GPC5: variants seen among roughly 807,000 people sequenced by gnomAD.
GPC5 encodes the protein glypican-5.
Under a neutral mutation model 53.9 loss-of-function variants are expected in GPC5, and 47 were observed. That is an observed-to-expected ratio of 0.87 (90% CI 0.69 to 1.11). GPC5 has a LOEUF of 1.11. GPC5 is among the 50% of genes most tolerant of loss of function. GPC5 has a pLI of 0.00. For missense variants in GPC5, 748 were observed against 713.1 expected, an observed-to-expected ratio of 1.05 and a Z score of -0.56; for synonymous variants, 286 against 263.3, an observed-to-expected ratio of 1.09 and a Z score of -0.84.
chr13:92,507,208 C>T (rs76293018), intron 7 of GPC5, among the ~76,000 whole-genome samples: 1,547 of 152,298 alleles, frequency 0.01, 26 homozygotes, highest in African/African-American at 0.035. Context: ...ACTCAACCAT[C>T]CCATCCACCG....
chr13:91,616,078 G>T (rs1328551612), intron 2 of GPC5, among the ~76,000 whole-genome samples: 1 of 152,088 alleles, frequency 6.6e-6, no homozygotes, highest in African/African-American at 2.4e-5. Context: ...ATTTAAAAAG[G>T]CTTGTATTAA....
intron 2 of GPC5, among the ~76,000 whole-genome samples, chr13:91,585,677 A>T (rs1182020692): frequency 2.0e-5 from 3 of 152,156 alleles, no homozygotes; most frequent in African/African-American, 7.2e-5. Flanking sequence ...GTCTTCCAAG[A>T]TGCTGGTGAT....
intron 7 of GPC5, among the ~76,000 whole-genome samples, chr13:92,336,680 T>A (rs1312062451): frequency 6.6e-6 from 1 of 152,176 alleles, no homozygotes; most frequent in Non-Finnish European, 1.5e-5. Flanking sequence ...AAGGAAACCA[T>A]AATGGTATAT....
At chr13:91,487,576 A>G (rs1016270084) in intron 2 of GPC5, among the ~76,000 whole-genome samples, 2 of 152,212 alleles carry the variant, frequency 1.3e-5, no homozygotes, top group Admixed American at 6.5e-5. Flanking sequence ...CCTTGCATCT[A>G]AAATAGTATA....
At chr13:92,782,460 T>C (rs1876062650) in intron 7 of GPC5, among the ~76,000 whole-genome samples, 1 of 152,090 alleles carries the variant, frequency 6.6e-6, no homozygotes, top group South Asian at 2.1e-4. Context: ...GGCACAGCAC[T>C]GGAAGAAGGC....
Position 92,546,810 on chromosome 13 carries a change from C to A in GPC5, c.1562-319472C>A, listed in dbSNP as rs570151955. 2.0e-3 allele frequency among the ~76,000 whole-genome samples: 297 copies of A among 152,180 alleles called. 2 individuals carry two copies. Among genetic ancestry groups the A allele is most frequent in the African/African-American group, 6.8e-3 (283 of 41,514 alleles). On this transcript the variant is annotated intron_variant, in intron 7 of 7. Transcript: ENST00000377067. ...AACCAAAACAGCATGGTACTGCTAC[C>A]AAAACAGAGATATAGACCAATGGAA...
chr13:91,458,906 G>T (rs1225486905), intron 2 of GPC5, among the ~76,000 whole-genome samples: 1 of 152,092 alleles, frequency 6.6e-6, no homozygotes, highest in Non-Finnish European at 1.5e-5. Flanking sequence ...AATGGCATTT[G>T]CAACAACCTA....
At chr13:92,402,393 A>G (rs1392062808) in intron 7 of GPC5, among the ~76,000 whole-genome samples, 2 of 152,208 alleles carry the variant, frequency 1.3e-5, no homozygotes, top group Non-Finnish European at 2.9e-5. Context: ...GAGTCTAAGC[A>G]TTCTTCACAT....
chr13:92,586,983 C>G (rs1883558539), intron 7 of GPC5, among the ~76,000 whole-genome samples: 1 of 152,026 alleles, frequency 6.6e-6, no homozygotes, highest in Non-Finnish European at 1.5e-5. Context: ...CACACACGCA[C>G]ACACACTACA....
chr13:92,312,767 A>G (rs902624165), intron 7 of GPC5, among the ~76,000 whole-genome samples: 3 of 152,186 alleles, frequency 2.0e-5, no homozygotes, highest in African/African-American at 7.2e-5. Context: ...ATTAACAAGT[A>G]ACATTTCTGT....
chr13:91,671,780 C>CAAAAAAAAAAAAA (rs55758033), intron 2 of GPC5, among the ~76,000 whole-genome samples: 15 of 33,126 alleles, frequency 4.5e-4, no homozygotes, highest in East Asian at 2.2e-3. Flanking sequence ...CAATCTGAAG[C>CAAAAAAAAAAAAA]AAAAAAAAAA....
At chr13:92,007,526 A>G (rs572367299) in intron 6 of GPC5, among the ~76,000 whole-genome samples, 1 of 152,276 alleles carries the variant, frequency 6.6e-6, no homozygotes, top group Non-Finnish European at 1.5e-5. Context: ...TTGTGTGAAG[A>G]GCTACTCCAG....
At chr13:91,799,176 T>C (rs2038095038) in intron 5 of GPC5, among the ~76,000 whole-genome samples, 1 of 152,224 alleles carries the variant, frequency 6.6e-6, no homozygotes, top group Non-Finnish European at 1.5e-5. Flanking sequence ...ATCATGTCCT[T>C]TGCAGCAACA....
At chr13:92,595,596 G>A (rs1883847669) in intron 7 of GPC5, among the ~76,000 whole-genome samples, 2 of 151,208 alleles carry the variant, frequency 1.3e-5, no homozygotes, top group African/African-American at 2.4e-5. Context: ...GTGAAACCCC[G>A]TCTCTACTGA....
At chr13:92,740,675 A>G (rs571908984) in intron 7 of GPC5, among the ~76,000 whole-genome samples, 1 of 152,034 alleles carries the variant, frequency 6.6e-6, no homozygotes, top group East Asian at 1.9e-4. Flanking sequence ...ACTACTTCTA[A>G]AAGTTTGGTA....
chr13:91,615,769 ATT>A (rs1389904550), intron 2 of GPC5, among the ~76,000 whole-genome samples: 1 of 152,192 alleles, frequency 6.6e-6, no homozygotes, highest in Non-Finnish European at 1.5e-5. Flanking sequence ...TACAGTTCTT[ATT>A]TCCTTAGAGT....
intron 7 of GPC5, among the ~76,000 whole-genome samples, chr13:92,734,566 C>T (rs545182863): frequency 4.6e-4 from 70 of 151,942 alleles, no homozygotes; most frequent in African/African-American, 1.4e-3. Context: ...GTTTTATTTG[C>T]AGAAGTATAT....
chr13:92,529,916 C>T (rs996982976), intron 7 of GPC5, among the ~76,000 whole-genome samples: 1 of 151,956 alleles, frequency 6.6e-6, no homozygotes, highest in Non-Finnish European at 1.5e-5. Flanking sequence ...AACCCCGTCT[C>T]TACTATAAAT....
chr13:92,573,850 C>T (rs1283698667), intron 7 of GPC5, among the ~76,000 whole-genome samples: 1 of 152,172 alleles, frequency 6.6e-6, no homozygotes, highest in Admixed American at 6.5e-5. Flanking sequence ...TGTCTTCATA[C>T]CTGCCCAGTT....
Sources: allele counts gnomAD v4.1 joint callset (sites outside exome capture counted in the v4.1 genomes callset), GRCh38; gene constraint gnomAD v4.1.1; transcripts MANE v1.5; gene names NCBI Gene and HGNC (gene_info 2026-07-23, HGNC 2026-07-21).